The following CPA6 variants were observed in gnomAD, a reference collection of about 807,000 sequenced individuals.
CPA6 encodes carboxypeptidase A6.
Under a neutral mutation model 63.3 loss-of-function variants are expected in CPA6, and 58 were observed. The ratio of observed to expected loss-of-function variants is 0.92; its 90% CI spans 0.74 to 1.14. The LOEUF (loss-of-function observed/expected upper bound fraction) is 1.14, where lower values mean the gene tolerates loss of function less well. Ranked by LOEUF, CPA6 falls within the 50% of genes most tolerant of loss-of-function variation. The pLI, the probability that CPA6 is intolerant of heterozygous loss-of-function variation, is 0.00. For synonymous variants in CPA6, 185 were observed against 179.0 expected, an observed-to-expected ratio of 1.03 and a Z score of -0.27; for missense variants, 565 against 526.6, an observed-to-expected ratio of 1.07 and a Z score of -0.71.
intron 1 of CPA6, among the ~76,000 whole-genome samples, chr8:67,645,872 G>A (rs1421162177): frequency 6.6e-6 from 1 of 152,186 alleles, no homozygotes; most frequent in Non-Finnish European, 1.5e-5. Flanking sequence ...TTAGCTGTCT[G>A]TACTGGTTTC....
At chr8:67,592,891 C>T (rs530470568) in intron 2 of CPA6, among the ~76,000 whole-genome samples, 1 of 151,866 alleles carries the variant, frequency 6.6e-6, no homozygotes, top group Non-Finnish European at 1.5e-5. Context: ...TCCTTCATTT[C>T]TGCTCTGATT....
intron 2 of CPA6, among the ~76,000 whole-genome samples, chr8:67,550,721 T>C (rs927650322): frequency 1.1e-4 from 17 of 152,282 alleles, no homozygotes; most frequent in African/African-American, 4.1e-4. Flanking sequence ...GACTTTTTAA[T>C]AGTAGCCATC....
intron 2 of CPA6, among the ~76,000 whole-genome samples, chr8:67,536,195 A>G (rs1258796971): frequency 6.6e-6 from 1 of 152,186 alleles, no homozygotes; most frequent in Non-Finnish European, 1.5e-5. Context: ...TTTTGGTTCC[A>G]TATGAAATTT....
chr8:67,530,883 G>A (rs1329624303), intron 2 of CPA6, among the ~76,000 whole-genome samples: 2 of 152,156 alleles, frequency 1.3e-5, no homozygotes, highest in African/African-American at 4.8e-5. Flanking sequence ...TCTCCAGATA[G>A]AGAAAGATAC....
chr8:67,661,816 T>C (rs1816116093), intron 1 of CPA6, among the ~76,000 whole-genome samples: 1 of 152,354 alleles, frequency 6.6e-6, no homozygotes, highest in Non-Finnish European at 1.5e-5. Flanking sequence ...TCTGTCTCTA[T>C]GAACTTGACT....
intron 2 of CPA6, among the ~76,000 whole-genome samples, chr8:67,547,540 C>G (rs1283508703): frequency 6.6e-6 from 1 of 151,188 alleles, no homozygotes; most frequent in Non-Finnish European, 1.5e-5. Context: ...CTCTGTCCCC[C>G]AGGCTGGAGT....
intron 1 of CPA6, among the ~76,000 whole-genome samples, chr8:67,639,871 G>A (rs1376405345): frequency 6.6e-6 from 1 of 151,418 alleles, no homozygotes; most frequent in Non-Finnish European, 1.5e-5. Context: ...TAGCTCAGAG[G>A]AGACCTATAG....
intron 1 of CPA6, among the ~76,000 whole-genome samples, chr8:67,723,180 G>A (rs1396494777): frequency 6.6e-6 from 1 of 151,930 alleles, no homozygotes; most frequent in Admixed American, 6.6e-5. Flanking sequence ...CCGTACTGAT[G>A]GACTTTGTTT....
At chr8:67,729,906 G>A (rs561417101) in intron 1 of CPA6, among the ~76,000 whole-genome samples, 8 of 152,304 alleles carry the variant, frequency 5.3e-5, no homozygotes, top group African/African-American at 9.6e-5. Flanking sequence ...CTATTCTTAC[G>A]GGCCCCAATT....
chr8:67,746,103 G>A lies in CPA6; in HGVS notation c.27C>T (p.Gly9=). The change falls in exon 1 of 11, where the codon GGC becomes GGT. Residue 9 remains glycine, a synonymous_variant. Transcript: ENST00000297770. The stretch of plus-strand genomic sequence containing the variant: ...AAAGAGGCAGGAAAGCAGCTGCCTG[G>A]CCCCTGCGCTTCCCGAGACACTTCA... The part of the protein sequence containing the change: MKCLGKRR[G]QAAAFLPLCW... The A allele has an allele frequency of 6.2e-7, 1 of 1,613,704 alleles. No homozygotes were observed. The highest frequency in any genetic ancestry group is 8.5e-7 in the Non-Finnish European group (1 of 1,179,756).
Position 67,422,608 on chromosome 8 carries a change from A to G in CPA6, c.1210T>C (p.Tyr404His), listed in dbSNP as rs1304521949. Reference protein sequence around the residue: ...AFAFELRDTGYFGFLLPEMLI... With the variant: ...AFAFELRDTGHFGFLLPEMLI... ...ATCTCTGGGAGTAAAAATCCAAAAT[A>G]TCCAGTGTCACGTAGTTCGAAAGCA... The change falls in exon 11 of 11, where the codon TAT (tyrosine) becomes CAT (histidine). Residue 404 changes from tyrosine to histidine, a missense_variant. Physicochemically the swap from Tyr to His is moderately conservative, Grantham distance 83. Transcript: ENST00000297770. The G allele has an allele frequency of 6.2e-7, 1 of 1,613,974 alleles. No homozygotes were observed. The highest frequency in any genetic ancestry group is 1.3e-5 in the African/African-American group (1 of 74,902).
chr8:67,609,975 T>C (rs905463766), intron 2 of CPA6, among the ~76,000 whole-genome samples: 74 of 152,148 alleles, frequency 4.9e-4, no homozygotes, highest in African/African-American at 1.7e-3. Flanking sequence ...TGAGCCAACA[T>C]TGTGCCACTG....
chr8:67,450,513 T>TTGC (rs1370648415), intron 8 of CPA6, among the ~76,000 whole-genome samples: 1 of 152,226 alleles, frequency 6.6e-6, no homozygotes, highest in Non-Finnish European at 1.5e-5. Context: ...AGGGTAGGAA[T>TTGC]TGCTATCTTT....
intron 9 of CPA6, among the ~76,000 whole-genome samples, chr8:67,431,098 A>G (rs1268674314): frequency 1.3e-5 from 2 of 152,116 alleles, no homozygotes; most frequent in Non-Finnish European, 2.9e-5. Context: ...TCCTGGGCCC[A>G]AGCAATCCTC....
intron 2 of CPA6, among the ~76,000 whole-genome samples, chr8:67,603,032 A>G (rs925483893): frequency 6.6e-6 from 1 of 152,228 alleles, no homozygotes; most frequent in African/African-American, 2.4e-5. Context: ...CATTATAAGC[A>G]AGAAGCTAAG....
intron 6 of CPA6, among the ~76,000 whole-genome samples, chr8:67,489,104 T>TC (rs1361827051): frequency 6.7e-6 from 1 of 148,880 alleles, no homozygotes; most frequent in African/African-American, 2.6e-5. Context: ...TAGGAGTGTT[T>TC]TTTTTCTTTT....
chr8:67,425,168 T>C (rs1809856098), intron 10 of CPA6, among the ~76,000 whole-genome samples: 1 of 152,220 alleles, frequency 6.6e-6, no homozygotes, highest in Admixed American at 6.5e-5. Context: ...GTTTTTAGTC[T>C]AACAGGCTTT....
chr8:67,614,921 AG>A (rs1308924268), intron 2 of CPA6, among the ~76,000 whole-genome samples: 3 of 152,230 alleles, frequency 2.0e-5, no homozygotes, highest in African/African-American at 7.2e-5. Context: ...TTATGTCTCC[AG>A]GGGTCTTACT....
chr8:67,441,234 G>A (rs1184281860), intron 8 of CPA6, among the ~76,000 whole-genome samples: 1 of 152,130 alleles, frequency 6.6e-6, no homozygotes, highest in Non-Finnish European at 1.5e-5. Flanking sequence ...ATAAGGATGT[G>A]CAGTAGAAAA....
Sources: allele counts gnomAD v4.1 joint callset (sites outside exome capture counted in the v4.1 genomes callset), GRCh38; gene constraint gnomAD v4.1.1; transcripts MANE v1.5; gene names NCBI Gene and HGNC (gene_info 2026-07-23, HGNC 2026-07-21).